The following NAV3 variants were observed in gnomAD, a reference collection of about 807,000 sequenced individuals.
The protein encoded by NAV3 is pore membrane and/or filament interacting like protein 1.
Under a neutral mutation model 244.7 loss-of-function variants are expected in NAV3, and 87 were observed. The ratio of observed to expected loss-of-function variants is 0.36; its 90% CI spans 0.30 to 0.42. NAV3 has a LOEUF of 0.42. Among genes scored for constraint, NAV3 ranks in the 20% least tolerant of loss-of-function variants. The pLI is 1.00. For missense variants in NAV3, 2,663 were observed against 2,893.3 expected (o/e 0.92, Z 1.83); for synonymous variants, 1,126 against 1,042.2 (o/e 1.08, Z -1.55).
intron 1 of NAV3, among the ~76,000 whole-genome samples, chr12:77,851,916 C>A (rs1034906103): frequency 2.6e-5 from 4 of 152,054 alleles, no homozygotes; most frequent in African/African-American, 7.2e-5. Context: ...ATTTAGTCTT[C>A]GTGTGTACTA....
At chr12:77,979,272 G>C (rs1040587452) in intron 5 of NAV3, among the ~76,000 whole-genome samples, 6 of 150,744 alleles carry the variant, frequency 4.0e-5, no homozygotes, top group East Asian at 2.0e-4. Context: ...TGTGCCTGCT[G>C]TCCTGGTTAC....
At chr12:78,023,435 T>A (rs1217547842) in intron 9 of NAV3, among the ~76,000 whole-genome samples, 4 of 152,154 alleles carry the variant, frequency 2.6e-5, no homozygotes, top group African/African-American at 4.8e-5. Flanking sequence ...ATTTAATGGG[T>A]TTATCAGAGA....
intron 1 of NAV3, among the ~76,000 whole-genome samples, chr12:77,867,143 A>G (rs770158): frequency 0.98 from 149,129 of 152,286 alleles, 73,084 homozygotes; most frequent in East Asian, 1. Flanking sequence ...CCCATGTGTT[A>G]TGGGAGGGAC....
At chr12:77,945,273 G>A (rs1247979337) in intron 3 of NAV3, among the ~76,000 whole-genome samples, 1 of 152,158 alleles carries the variant, frequency 6.6e-6, no homozygotes, top group Non-Finnish European at 1.5e-5. Context: ...CCTAAAGGAA[G>A]TAGAAGAGGA....
At chr12:77,608,980 A>G (rs1401937931) in intron 2 of NAV3, among the ~76,000 whole-genome samples, 1 of 152,076 alleles carries the variant, frequency 6.6e-6, no homozygotes. Flanking sequence ...TTTAATATAC[A>G]TACATAGAAG....
chr12:78,149,455 G>T (rs1311800014), intron 22 of NAV3, among the ~76,000 whole-genome samples: 1 of 152,040 alleles, frequency 6.6e-6, no homozygotes, highest in Admixed American at 6.6e-5. Context: ...ACTTTTACTG[G>T]CACCAGAGCA....
At chr12:77,920,702 T>C (rs547037756) in intron 1 of NAV3, among the ~76,000 whole-genome samples, 2 of 152,216 alleles carry the variant, frequency 1.3e-5, no homozygotes, top group South Asian at 4.1e-4. Context: ...TTGTCATCTT[T>C]TTCCACTTGA....
chr12:77,941,029 C>A, intron 2 of NAV3, 52 bp from the exon 3 acceptor site: 2 of 1,174,878 alleles, frequency 1.7e-6, no homozygotes, highest in Non-Finnish European at 2.5e-6. Context: ...CACTTCATTG[C>A]TTAAGCATGT....
chr12:77,593,218 CA>C (rs1247716424), intron 2 of NAV3, among the ~76,000 whole-genome samples: 2 of 151,972 alleles, frequency 1.3e-5, no homozygotes, highest in Non-Finnish European at 2.9e-5. Context: ...GCTACTGTTA[CA>C]CCAAGATTAT....
chr12:77,665,502 C>T (rs1362671178), intron 2 of NAV3, among the ~76,000 whole-genome samples: 1 of 152,062 alleles, frequency 6.6e-6, no homozygotes, highest in Non-Finnish European at 1.5e-5. Flanking sequence ...AATATTTATT[C>T]TCTTTTGTTA....
intron 5 of NAV3, among the ~76,000 whole-genome samples, chr12:77,973,127 A>G (rs1480993089): frequency 1.3e-5 from 2 of 152,214 alleles, no homozygotes; most frequent in Non-Finnish European, 2.9e-5. Context: ...TTTTTCTTAA[A>G]ATACATACTT....
chr12:77,962,319 G>C (rs982933717), intron 3 of NAV3, among the ~76,000 whole-genome samples: 1 of 152,092 alleles, frequency 6.6e-6, no homozygotes, highest in Admixed American at 6.6e-5. Flanking sequence ...TTGAACTCCA[G>C]ATTGTGTGTC....
At chr12:78,132,067 A>T (rs1956188956) in intron 18 of NAV3, among the ~76,000 whole-genome samples, 1 of 152,188 alleles carries the variant, frequency 6.6e-6, no homozygotes, top group African/African-American at 2.4e-5. Flanking sequence ...ATTTGTGCAA[A>T]GATAAGTTTA....
intron 12 of NAV3, among the ~76,000 whole-genome samples, chr12:78,066,965 T>A (rs1025456903): frequency 2.0e-5 from 3 of 152,092 alleles, no homozygotes; most frequent in Admixed American, 1.3e-4. Context: ...AAAATTACAT[T>A]GCCATGACAA....
intron 2 of NAV3, among the ~76,000 whole-genome samples, chr12:77,598,925 CA>C (rs1473873500): frequency 6.6e-6 from 1 of 151,964 alleles, no homozygotes; most frequent in African/African-American, 2.4e-5. Flanking sequence ...GTAGGTACTA[CA>C]TTGTACAACA....
chr12:77,980,744 C>T (rs537423551), intron 5 of NAV3, among the ~76,000 whole-genome samples: 1 of 152,258 alleles, frequency 6.6e-6, no homozygotes, highest in South Asian at 2.1e-4. Context: ...TAGCGTAGTA[C>T]TTTGAGCTAT....
At chr12:78,021,677 G>T in intron 8 of NAV3, 70 bp from the exon 9 acceptor site, 2 of 1,033,202 alleles carry the variant, frequency 1.9e-6, no homozygotes, top group South Asian at 1.4e-5. Context: ...ATTTCTTGTA[G>T]AACTTCCACT....
intron 2 of NAV3, among the ~76,000 whole-genome samples, chr12:77,816,786 A>G (rs1417206398): frequency 2.5e-5 from 2 of 80,598 alleles, no homozygotes; most frequent in Non-Finnish European, 7.0e-5. Flanking sequence ...GCAGAAATGC[A>G]AAAGTTACTT....
At position 78,050,797 on chromosome 12, in the gene NAV3, A is replaced by G. The variant is rs1288605602; in HGVS notation, c.2166A>G (p.Thr722=). The change falls in exon 11 of 40, where the codon ACA becomes ACG. Residue 722 remains threonine, a synonymous_variant. Transcript: ENST00000397909. ...TLETTFDSTV[T]TEVNGRTIPN... ...AGACAACATTTGACAGCACTGTGAC[A>G]ACAGAAGTTAATGGAAGGACCATAC... 1.2e-6 allele frequency: 2 copies of G among 1,608,614 alleles called. No individual in the cohort carries two copies. Among genetic ancestry groups the G allele is most frequent in the Admixed American group, 3.3e-5 (2 of 59,796 alleles).
Sources: allele counts gnomAD v4.1 joint callset (sites outside exome capture counted in the v4.1 genomes callset), GRCh38; gene constraint gnomAD v4.1.1; transcripts MANE v1.5; gene names NCBI Gene and HGNC (gene_info 2026-07-23, HGNC 2026-07-21).